The following PPP2R3A variants were observed in gnomAD, a reference collection of about 807,000 sequenced individuals.
PPP2R3A encodes the protein protein phosphatase 2 regulatory subunit B''alpha, also known as serine/threonine-protein phosphatase 2A regulatory subunit B'' subunit alpha.
A neutral mutation model predicts 106.9 loss-of-function variants in PPP2R3A; 80 were observed. That is an observed-to-expected ratio of 0.75 (90% CI 0.62 to 0.90). PPP2R3A has a LOEUF of 0.90. Ranked by LOEUF, PPP2R3A falls within the 40% of genes least tolerant of loss-of-function variation. The probability of loss-of-function intolerance (pLI) is 0.00; values close to 1 mark genes in which losing one functional copy is unlikely to be tolerated. For synonymous variants in PPP2R3A, 483 were observed against 468.3 expected, an observed-to-expected ratio of 1.03 and a Z score of -0.41; for missense variants, 1,386 against 1,350.4, an observed-to-expected ratio of 1.03 and a Z score of -0.41.
At chr3:135,967,417 T>C (rs1256570566) in intron 1 of PPP2R3A, among the ~76,000 whole-genome samples, 1 of 152,240 alleles carries the variant, frequency 6.6e-6, no homozygotes, top group Non-Finnish European at 1.5e-5. Flanking sequence ...TAGCTTAACA[T>C]TCTGGAGAGT....
chr3:136,127,899 T>C (rs557517645), intron 13 of PPP2R3A, among the ~76,000 whole-genome samples: 18 of 152,300 alleles, frequency 1.2e-4, no homozygotes, highest in South Asian at 6.2e-4. Context: ...CAGAATTTCA[T>C]ATCCAGCCAA....
In PPP2R3A at chr3:136,003,675, GA is replaced by G. The variant is rs544073971; in HGVS notation, c.1995+193del. On this transcript the variant is annotated intron_variant, in intron 2 of 13. Coordinates refer to ENST00000264977, the MANE Select transcript of PPP2R3A (RefSeq NM_002718.5). ...GCAAAGATTATACAAGATGATAGAGGAAAAAAAAAAAGCAAAGACTTTAGAC... is the reference window on the plus strand; with the variant it reads ...GCAAAGATTATACAAGATGATAGAGGAAAAAAAAAAGCAAAGACTTTAGAC... Among the ~76,000 whole-genome samples, 271 of 144,058 alleles carry G rather than the reference GA, an allele frequency of 1.9e-3. 2 individuals are homozygous for G. The highest frequency in any genetic ancestry group is 3.5e-3 in the Middle Eastern group (1 of 284). The allele number at this position is 144,058 out of a possible 152,430, so 94.5% of individuals were successfully genotyped here.
At chr3:135,992,256 T>C (rs567114700) in intron 1 of PPP2R3A, among the ~76,000 whole-genome samples, 5 of 152,266 alleles carry the variant, frequency 3.3e-5, no homozygotes, top group African/African-American at 4.8e-5. Flanking sequence ...GTTTTATTAT[T>C]TCTAAATGAC....
At chr3:136,104,274 A>C (rs1296265281) in intron 12 of PPP2R3A, among the ~76,000 whole-genome samples, 1 of 150,338 alleles carries the variant, frequency 6.7e-6, no homozygotes, top group Non-Finnish European at 1.5e-5. Context: ...AACATGCTCC[A>C]TAATTTTATA....
intron 5 of PPP2R3A, among the ~76,000 whole-genome samples, chr3:136,068,472 C>T (rs1287890463): frequency 6.6e-6 from 1 of 152,052 alleles, no homozygotes; most frequent in African/African-American, 2.4e-5. Flanking sequence ...GAGCTGAGAT[C>T]GCACCACTGC....
At chr3:136,024,326 CT>C (rs963977936) in intron 2 of PPP2R3A, among the ~76,000 whole-genome samples, 22 of 152,140 alleles carry the variant, frequency 1.4e-4, no homozygotes, top group African/African-American at 4.6e-4. Context: ...AATTATATAT[CT>C]CCTGTAGAAC....
intron 13 of PPP2R3A, among the ~76,000 whole-genome samples, chr3:136,130,953 A>G (rs1424473118): frequency 2.0e-5 from 3 of 152,232 alleles, no homozygotes; most frequent in Admixed American, 2.0e-4. Context: ...TTGGCTAGCC[A>G]TATGCAGAAA....
At chr3:136,041,806 T>C (rs1393641417) in intron 4 of PPP2R3A, among the ~76,000 whole-genome samples, 1 of 152,264 alleles carries the variant, frequency 6.6e-6, no homozygotes, top group East Asian at 1.9e-4. Flanking sequence ...TCCTGGATTC[T>C]AACATTCTGA....
intron 7 of PPP2R3A, among the ~76,000 whole-genome samples, chr3:136,081,640 A>G (rs1936784397): frequency 2.0e-5 from 3 of 151,978 alleles, no homozygotes; most frequent in South Asian, 2.1e-4. Flanking sequence ...GCCCACTTAC[A>G]TAATAATTTG....
chr3:136,048,362 C>G (rs1347964369), intron 4 of PPP2R3A, among the ~76,000 whole-genome samples: 2 of 152,072 alleles, frequency 1.3e-5, no homozygotes, highest in Non-Finnish European at 2.9e-5. Context: ...GGAGGCCCTT[C>G]TATGTCAGGT....
At chr3:136,096,976 C>T (rs1048616709) in intron 10 of PPP2R3A, among the ~76,000 whole-genome samples, 4 of 152,122 alleles carry the variant, frequency 2.6e-5, no homozygotes, top group African/African-American at 9.7e-5. Flanking sequence ...CTCACACACA[C>T]ACAAAAAATG....
chr3:136,006,207 A>T (rs1933838917), intron 2 of PPP2R3A, among the ~76,000 whole-genome samples: 1 of 152,256 alleles, frequency 6.6e-6, no homozygotes, highest in African/African-American at 2.4e-5. Context: ...ATAAGTTTCA[A>T]TATCACAGAA....
At chr3:136,141,696 T>A (rs1024039869) in intron 13 of PPP2R3A, among the ~76,000 whole-genome samples, 1 of 152,170 alleles carries the variant, frequency 6.6e-6, no homozygotes, top group African/African-American at 2.4e-5. Flanking sequence ...TTGAAAAACA[T>A]GTACAGTGGC....
At chr3:136,131,202 C>A (rs1175168425) in intron 13 of PPP2R3A, among the ~76,000 whole-genome samples, 1 of 152,174 alleles carries the variant, frequency 6.6e-6, no homozygotes, top group Non-Finnish European at 1.5e-5. Flanking sequence ...GCAAAAGAAA[C>A]TACCATCACC....
At chr3:136,000,849 A>T (rs1350274118) in intron 1 of PPP2R3A, among the ~76,000 whole-genome samples, 1 of 152,196 alleles carries the variant, frequency 6.6e-6, no homozygotes, top group African/African-American at 2.4e-5. Flanking sequence ...TCTCAGAGGC[A>T]GATGTGACAA....
intron 3 of PPP2R3A, among the ~76,000 whole-genome samples, chr3:136,038,138 T>C (rs930919405): frequency 6.6e-6 from 1 of 152,190 alleles, no homozygotes; most frequent in Non-Finnish European, 1.5e-5. Flanking sequence ...GCTAGCATAC[T>C]TTTTTTAATA....
chr3:135,973,243 C>T (rs569790242), intron 1 of PPP2R3A, among the ~76,000 whole-genome samples: 2 of 152,284 alleles, frequency 1.3e-5, no homozygotes, highest in South Asian at 4.1e-4. Flanking sequence ...GTGATAAAAA[C>T]ACTTGCCTCA....
chr3:135,971,508 G>C (rs1937245863), intron 1 of PPP2R3A, among the ~76,000 whole-genome samples: 1 of 152,192 alleles, frequency 6.6e-6, no homozygotes, highest in Non-Finnish European at 1.5e-5. Context: ...GAAAATATAA[G>C]GGGTGGAAAA....
At chr3:136,123,937 T>C (rs1044888244) in intron 13 of PPP2R3A, among the ~76,000 whole-genome samples, 1 of 152,172 alleles carries the variant, frequency 6.6e-6, no homozygotes, top group Non-Finnish European at 1.5e-5. Context: ...CAAAAATATA[T>C]ATACACTGTT....
Sources: gnomAD v4.1 joint callset for allele counts (sites outside exome capture counted in the v4.1 genomes callset) on GRCh38, gnomAD v4.1.1 for gene constraint, MANE v1.5 for transcripts, NCBI Gene and HGNC (gene_info 2026-07-23, HGNC 2026-07-21) for gene names.